Variants in DNM3 observed in about 807,000 individuals in gnomAD.
DNM3 encodes the protein dynamin 3.
Under a neutral mutation model 101.6 loss-of-function variants are expected in DNM3, and 47 were observed. The ratio of observed to expected loss-of-function variants is 0.46; its 90% confidence interval spans 0.37 to 0.59. The LOEUF is 0.59. DNM3 is among the 20% of genes least tolerant of loss of function. DNM3 has a pLI of 0.00. For synonymous variants in DNM3, 385 were observed against 387.9 expected, an observed-to-expected ratio of 0.99 and a Z score of 0.09; for missense variants, 849 against 1,085.7, an observed-to-expected ratio of 0.78 and a Z score of 3.06.
rs140087796 is a variant in DNM3 at position 172,227,271 on chromosome 1, GATATATATATATATATAT to G, written c.1660-26285_1660-26268del. Among the ~76,000 whole-genome samples the G allele has an allele frequency of 1.2e-3, 95 of 78,034 alleles. 2 individuals are homozygous for G. Among genetic ancestry groups the G allele is most frequent in the African/African-American group, 2.5e-3 (53 of 21,192 alleles). The allele number at this position is 78,034 out of a possible 152,430, so 51.2% of individuals were successfully genotyped here. A position where few individuals can be genotyped will look rare whatever the true frequency, so the allele number is the denominator to read the frequency against. Reference sequence around the variant, plus strand: ...TTTTAATGGCTGGATAGTATTTTGTGATATATATATATATATATATATATATATATATATCACATTTTC... The same window carrying G: ...TTTTAATGGCTGGATAGTATTTTGTGATATATATATATATATCACATTTTC... On this transcript the variant is annotated intron_variant, in intron 14 of 20. Transcript: ENST00000627582.
At chr1:172,226,365 A>G (rs918927816) in intron 14 of DNM3, among the ~76,000 whole-genome samples, 2 of 152,220 alleles carry the variant, frequency 1.3e-5, no homozygotes, top group African/African-American at 4.8e-5. Context: ...AAAAGATAGT[A>G]GATTACAGAG....
chr1:171,883,414 C>CACACACACACACA (rs1365474682), intron 1 of DNM3, among the ~76,000 whole-genome samples: 1 of 56,192 alleles, frequency 1.8e-5, no homozygotes, highest in Non-Finnish European at 4.1e-5. Context: ...CACACACACA[C>CACACACACACACA]CCTGTCAGAA....
intron 16 of DNM3, among the ~76,000 whole-genome samples, chr1:172,312,433 C>T (rs1413088258): frequency 6.6e-6 from 1 of 151,982 alleles, no homozygotes; most frequent in Non-Finnish European, 1.5e-5. Context: ...CAGCCATAGC[C>T]CAAATTTGAA....
intron 2 of DNM3, among the ~76,000 whole-genome samples, chr1:171,935,769 CTTTTTTTTTTTTT>C (rs551030808): frequency 3.5e-4 from 17 of 48,018 alleles, no homozygotes; most frequent in South Asian, 1.0e-3. Context: ...CAAATCAAAA[CTTTTTTTTTTTTT>C]TTTTTTTTTT....
Position 172,345,818 on chromosome 1 carries a change from G to A in DNM3, c.1893+22478G>A, listed in dbSNP as rs150312657. Among the ~76,000 whole-genome samples the A allele has an allele frequency of 5.3e-5, 8 of 152,168 alleles. No individual in the cohort carries two copies. The East Asian group carries it at 7.7e-4, about 15-fold the overall frequency. ...ACCTTGTAACATAACTGCTATCATCGTTATGTTAGGAGGTGGAGATGAGAG... is the reference window on the plus strand; with the variant it reads ...ACCTTGTAACATAACTGCTATCATCATTATGTTAGGAGGTGGAGATGAGAG... On this transcript the variant is annotated intron_variant, in intron 17 of 20. Transcript: ENST00000627582.
At chr1:172,287,959 G>A (rs1041158145) in intron 15 of DNM3, among the ~76,000 whole-genome samples, 1 of 151,960 alleles carries the variant, frequency 6.6e-6, no homozygotes, top group Non-Finnish European at 1.5e-5. Context: ...AAAGTGATAG[G>A]ATTACATGAG....
At chr1:171,856,000 G>T (rs1199539868) in intron 1 of DNM3, among the ~76,000 whole-genome samples, 15 of 152,098 alleles carry the variant, frequency 9.9e-5, no homozygotes, top group Admixed American at 9.8e-4. Flanking sequence ...ATAATTTTGG[G>T]TTTTACATTT....
intron 17 of DNM3, among the ~76,000 whole-genome samples, chr1:172,347,001 T>G (rs558640156): frequency 1.3e-5 from 2 of 152,298 alleles, no homozygotes; most frequent in African/African-American, 4.8e-5. Flanking sequence ...GGAAATTATA[T>G]TGTATTGACC....
intron 4 of DNM3, among the ~76,000 whole-genome samples, chr1:172,023,236 T>C (rs984437071): frequency 7.2e-5 from 11 of 152,134 alleles, no homozygotes; most frequent in African/African-American, 1.9e-4. Context: ...TATACCATCC[T>C]GAAAACTTCC....
intron 17 of DNM3, among the ~76,000 whole-genome samples, chr1:172,339,956 C>T (rs2066614467): frequency 6.6e-6 from 1 of 152,142 alleles, no homozygotes; most frequent in Non-Finnish European, 1.5e-5. Flanking sequence ...GGACATATGC[C>T]TGGACAATAG....
intron 2 of DNM3, among the ~76,000 whole-genome samples, chr1:171,978,844 G>T (rs1027114385): frequency 6.6e-6 from 1 of 152,090 alleles, no homozygotes; most frequent in South Asian, 2.1e-4. Context: ...CTTTGAACAG[G>T]TATATTTTGA....
chr1:171,895,838 G>A (rs1192208294), intron 1 of DNM3, among the ~76,000 whole-genome samples: 1 of 152,140 alleles, frequency 6.6e-6, no homozygotes, highest in Non-Finnish European at 1.5e-5. Context: ...AAGGGATCCA[G>A]TTTCAGCTTT....
intron 1 of DNM3, among the ~76,000 whole-genome samples, chr1:171,854,554 G>A (rs1016308482): frequency 6.6e-6 from 1 of 151,996 alleles, no homozygotes; most frequent in Non-Finnish European, 1.5e-5. Flanking sequence ...GCAGTGGCGG[G>A]ATCTCAGCTC....
intron 2 of DNM3, among the ~76,000 whole-genome samples, chr1:171,982,973 C>T (rs2044922669): frequency 1.3e-5 from 2 of 152,014 alleles, no homozygotes; most frequent in African/African-American, 4.8e-5. Flanking sequence ...TCTTTCTGGC[C>T]TCCTATTTCC....
At chr1:172,123,627 T>C (rs897390303) in intron 13 of DNM3, among the ~76,000 whole-genome samples, 3 of 152,188 alleles carry the variant, frequency 2.0e-5, no homozygotes, top group African/African-American at 7.2e-5. Context: ...GTTCCCTTGA[T>C]GAATGGGGGC....
At chr1:172,210,314 C>CTTTTTTTTTTTTT (rs11330467) in intron 14 of DNM3, among the ~76,000 whole-genome samples, 4 of 84,888 alleles carry the variant, frequency 4.7e-5, no homozygotes, top group East Asian at 3.7e-4. Flanking sequence ...AGAGAGCGTG[C>CTTTTTTTTTTTTT]TTTTTTTTTT....
chr1:171,913,562 G>A (rs755815905), intron 1 of DNM3, among the ~76,000 whole-genome samples: 3 of 152,148 alleles, frequency 2.0e-5, no homozygotes, highest in Non-Finnish European at 4.4e-5. Flanking sequence ...CCGGATTTGG[G>A]CATGAAAGTA....
At chr1:172,125,404 C>G (rs1376646578) in intron 13 of DNM3, among the ~76,000 whole-genome samples, 1 of 152,076 alleles carries the variant, frequency 6.6e-6, no homozygotes, top group East Asian at 1.9e-4. Flanking sequence ...AGTATGTCAG[C>G]CAGATGTTGG....
chr1:172,275,834 C>G (rs1235876393), intron 15 of DNM3, among the ~76,000 whole-genome samples: 9 of 152,022 alleles, frequency 5.9e-5, no homozygotes, highest in Non-Finnish European at 1.3e-4. Context: ...AAGAGTATTT[C>G]CTTACTGAAG....
Sources: allele counts gnomAD v4.1 joint callset (sites outside exome capture counted in the v4.1 genomes callset), GRCh38; gene constraint gnomAD v4.1.1; transcripts MANE v1.5; gene names NCBI Gene and HGNC (gene_info 2026-07-23, HGNC 2026-07-21).